The following CDH8 variants were observed in gnomAD, a reference collection of about 807,000 sequenced individuals.
The protein encoded by CDH8 is cadherin-8.
A neutral mutation model predicts 68.1 loss-of-function variants in CDH8; 17 were observed. The observed-to-expected ratio is 0.25, with a 90% CI of 0.17 to 0.37. The LOEUF (loss-of-function observed/expected upper bound fraction) is 0.37, where lower values mean the gene tolerates loss of function less well. CDH8 is among the 10% of genes least tolerant of loss of function. The probability of loss-of-function intolerance (pLI) is 1.00; values close to 1 mark genes in which losing one functional copy is unlikely to be tolerated. For missense variants in CDH8, 763 were observed against 999.3 expected (o/e 0.76, Z 3.19); for synonymous variants, 372 against 365.1 (o/e 1.02, Z -0.21).
chr16:61,809,819 C>T (rs1961895370), intron 7 of CDH8, among the ~76,000 whole-genome samples: 1 of 152,152 alleles, frequency 6.6e-6, no homozygotes, highest in Non-Finnish European at 1.5e-5. Context: ...ATGCTACTTA[C>T]ATTCTCCCCT....
chr16:61,879,901 GT>G, intron 3 of CDH8, among the ~76,000 whole-genome samples: 1 of 100,456 alleles, frequency 1.0e-5, no homozygotes, highest in Non-Finnish European at 1.8e-5. Context: ...AGAATATGAG[GT>G]TTTTTGGGTT....
intron 3 of CDH8, among the ~76,000 whole-genome samples, chr16:61,871,958 C>T (rs1270754750): frequency 6.6e-6 from 1 of 151,818 alleles, no homozygotes; most frequent in Non-Finnish European, 1.5e-5. Flanking sequence ...GTATATCCAT[C>T]CGGTGTGAGA....
intron 4 of CDH8, among the ~76,000 whole-genome samples, chr16:61,850,010 T>A (rs1315899889): frequency 2.6e-5 from 4 of 152,152 alleles, no homozygotes; most frequent in African/African-American, 9.7e-5. Flanking sequence ...AAAAATTGCG[T>A]ACTTAATGAA....
chr16:61,706,644 AG>A (rs1964541716), intron 10 of CDH8, among the ~76,000 whole-genome samples: 1 of 148,134 alleles, frequency 6.8e-6, no homozygotes, highest in Non-Finnish European at 1.5e-5. Flanking sequence ...AAAAAAAAAA[AG>A]TGTAACTGGC....
intron 8 of CDH8, among the ~76,000 whole-genome samples, chr16:61,745,363 T>A (rs1205553654): frequency 1.3e-5 from 2 of 151,880 alleles, no homozygotes; most frequent in Non-Finnish European, 2.9e-5. Context: ...TGTTTAAGAG[T>A]TTACTGATCC....
chr16:61,936,163 A>G (rs1964624159), intron 2 of CDH8, among the ~76,000 whole-genome samples: 1 of 152,132 alleles, frequency 6.6e-6, no homozygotes. Flanking sequence ...CTGTCATTGT[A>G]TATACTCAAG....
intron 8 of CDH8, among the ~76,000 whole-genome samples, chr16:61,774,378 A>G (rs1960854290): frequency 6.6e-6 from 1 of 151,598 alleles, no homozygotes. Context: ...TTCCCTGTGA[A>G]CACAGTCAGT....
Position 61,768,313 on chromosome 16 carries a change from T to TG in CDH8, c.1414+21032_1414+21033insC, listed in dbSNP as rs1596949335. 1.3e-4 allele frequency among the ~76,000 whole-genome samples: 8 copies of TG among 61,894 alleles called. No homozygotes were observed. In the East Asian group the frequency reaches 2.4e-3, roughly 18 times the overall value. 40.6% of individuals were successfully genotyped at this position (61,894 alleles called of 152,430 possible). ...CAGGCTCTCTCTCTGTGTCTCTCCC[T>TG]TTCTCTCTCTCTCTCTCTCTCTCTC... On this transcript the variant is annotated intron_variant, in intron 8 of 11. Transcript: ENST00000577390.
chr16:61,959,523 C>CCTCCCTCT (rs1555524709), intron 2 of CDH8, among the ~76,000 whole-genome samples: 16 of 133,596 alleles, frequency 1.2e-4, no homozygotes, highest in South Asian at 1.1e-3. Flanking sequence ...CCTTATCCTC[C>CCTCCCTCT]CTCTCTCTCT....
Position 62,021,517 on chromosome 16 carries a change from A to G in CDH8, c.-114T>C, listed in dbSNP as rs776832563. The G allele has an allele frequency of 4.0e-6, 6 of 1,492,722 alleles. No homozygotes were observed. The highest frequency in any genetic ancestry group is 5.3e-6 in the Non-Finnish European group (6 of 1,126,992). 92.5% of individuals were successfully genotyped at this position (1,492,722 alleles called of 1,614,324 possible). ...CCGAGCATTTACTTACAGCTCTGCC[A>G]CGTGTCTATAGCACGGGAAACAGAC... On this transcript the variant is annotated 5_prime_UTR_variant, in exon 2 of 12. Transcript: ENST00000577390.
rs750651367 is a variant in CDH8 at position 61,653,816 on chromosome 16, T to C, written c.2192A>G (p.Glu731Gly). 2.1e-5 allele frequency: 34 copies of C among 1,614,112 alleles called. 1 individual carries two copies. The South Asian group carries it at 3.1e-4, about 15-fold the overall frequency. ...VDEFINVRLH[E>G]ADNDPTAPPY... is the part of the protein sequence containing the mutation. The stretch of plus-strand genomic sequence containing the variant: ...CGGGGCCGTGGGATCATTATCTGCC[T>C]CATGCAGCCTTACATTTATAAATTC... The change falls in exon 12 of 12, where the codon GAG becomes GGG. Residue 731 changes from glutamate (E) to glycine (G), a missense_variant. By Grantham distance (98) the Glu-to-Gly change is moderately conservative (BLOSUM62 -2). This residue lies in a region of CDH8 where 397 missense variants were observed against 436.2 expected (regional missense o/e 0.91). Transcript: ENST00000577390.
At chr16:61,960,066 T>C (rs1965082150) in intron 2 of CDH8, among the ~76,000 whole-genome samples, 1 of 132,810 alleles carries the variant, frequency 7.5e-6, no homozygotes, top group Non-Finnish European at 1.6e-5. Flanking sequence ...TGTGTGTGTA[T>C]ACACATACAT....
intron 2 of CDH8, among the ~76,000 whole-genome samples, chr16:62,014,228 G>A (rs967454287): frequency 6.6e-6 from 1 of 152,140 alleles, no homozygotes; most frequent in African/African-American, 2.4e-5. Context: ...TAGGGTTTCT[G>A]CTAATTTCTG....
chr16:61,792,676 C>G (rs960634960), intron 7 of CDH8, among the ~76,000 whole-genome samples: 2 of 152,018 alleles, frequency 1.3e-5, no homozygotes, highest in Non-Finnish European at 2.9e-5. Flanking sequence ...ATACTCGCTT[C>G]TGAGTCATTG....
intron 10 of CDH8, among the ~76,000 whole-genome samples, chr16:61,678,338 A>T (rs900555107): frequency 6.6e-6 from 1 of 151,960 alleles, no homozygotes; most frequent in Non-Finnish European, 1.5e-5. Context: ...GGCTCAGAAT[A>T]AGTCTCTTCA....
intron 9 of CDH8, among the ~76,000 whole-genome samples, chr16:61,716,505 C>A (rs1489206552): frequency 6.6e-6 from 1 of 151,738 alleles, no homozygotes; most frequent in Non-Finnish European, 1.5e-5. Context: ...TATAACTCAG[C>A]AATCTGTATT....
chr16:62,004,682 A>G (rs912180720), intron 2 of CDH8, among the ~76,000 whole-genome samples: 2 of 152,232 alleles, frequency 1.3e-5, no homozygotes, highest in Non-Finnish European at 1.5e-5. Flanking sequence ...ACACAAGGCT[A>G]TGGCTCATAA....
chr16:61,804,658 A>G (rs528527794), intron 7 of CDH8, among the ~76,000 whole-genome samples: 4,583 of 150,450 alleles, frequency 0.03, 231 homozygotes, highest in African/African-American at 0.11. Flanking sequence ...TCCCACAGAA[A>G]TACAAACTAC....
At chr16:61,887,713 C>T (rs926014739) in intron 3 of CDH8, among the ~76,000 whole-genome samples, 1 of 152,120 alleles carries the variant, frequency 6.6e-6, no homozygotes, top group Non-Finnish European at 1.5e-5. Context: ...ATGGATTCAA[C>T]ATATGAATTT....
Sources: allele counts gnomAD v4.1 joint callset (sites outside exome capture counted in the v4.1 genomes callset), GRCh38; gene constraint gnomAD v4.1.1; regional missense constraint gnomAD v4.1.1; transcripts MANE v1.5; gene names NCBI Gene and HGNC (gene_info 2026-07-23, HGNC 2026-07-21).